IL20RB: variants seen among roughly 807,000 people sequenced by gnomAD.
The protein encoded by IL20RB is interleukin 20 receptor subunit beta.
In IL20RB, 21 loss-of-function variants were observed where a neutral mutation model predicts 33.3. That is an observed-to-expected ratio of 0.63 (90% CI 0.45 to 0.91). IL20RB has a LOEUF of 0.91. Ranked by LOEUF, IL20RB falls within the 40% of genes least tolerant of loss-of-function variation. The pLI is 0.00. For synonymous variants in IL20RB, 147 were observed against 146.8 expected (o/e 1.00, Z -0.01); for missense variants, 345 against 384.8 (o/e 0.90, Z 0.86).
chr3:136,959,064 T>A (rs1459046415), intron 1 of IL20RB: 1 of 151,974 alleles, frequency 6.6e-6, no homozygotes, highest in Non-Finnish European at 1.5e-5. Flanking sequence ...GGCTTAAACA[T>A]CAAATTTATG....
At chr3:137,004,699 A>G (rs966894575) in intron 6 of IL20RB, among the ~76,000 whole-genome samples, 6 of 151,438 alleles carry the variant, frequency 4.0e-5, no homozygotes, top group Non-Finnish European at 7.4e-5. Context: ...AGTTTTGTTG[A>G]TCTTTTCAAA....
Position 136,991,957 on chromosome 3 carries a change from G to A in IL20RB, c.551G>A (p.Arg184Lys). 6.2e-7 allele frequency: 1 copy of A among 1,614,156 alleles called. No homozygotes were observed. Among genetic ancestry groups the A allele is most frequent in the Non-Finnish European group, 8.5e-7 (1 of 1,180,018 alleles). ...PGAEEHVKMV[R>K]SGGIPVHLET... ...TCAAAGGAACATGTCAAAATGGTGA[G>A]GAGTGGGGGTATTCCAGTGCACCTA... Residue 184 changes from arginine to lysine, a missense_variant, in exon 5 of 7, where the codon AGG (arginine) becomes AAG (lysine). Arg to Lys is a conservative substitution (Grantham distance 26). Coordinates refer to ENST00000329582, the MANE Select transcript of IL20RB (RefSeq NM_144717.4).
chr3:136,998,182 A>G (rs1368911657), intron 6 of IL20RB, among the ~76,000 whole-genome samples: 3 of 123,068 alleles, frequency 2.4e-5, no homozygotes, highest in African/African-American at 9.2e-5. Context: ...TTTTGGGTTA[A>G]TTAAAAATTT....
chr3:136,993,483 A>T (rs1942070281), intron 5 of IL20RB, among the ~76,000 whole-genome samples: 1 of 152,124 alleles, frequency 6.6e-6, no homozygotes, highest in Non-Finnish European at 1.5e-5. Context: ...CAGGTTTGTT[A>T]CATATGTATA....
At chr3:136,958,420 T>C (rs905996403) in intron 1 of IL20RB, among the ~76,000 whole-genome samples, 6 of 152,196 alleles carry the variant, frequency 3.9e-5, no homozygotes, top group Non-Finnish European at 5.9e-5. Flanking sequence ...CACACAACAA[T>C]CTAGAAAGAG....
chr3:136,975,209 T>C lies in IL20RB; in HGVS notation c.89-5257T>C, dbSNP rs150488997. ...CATGTTTCTTGTGTTCTTATGTTGA[T>C]ATCTGCACATCTGGTATAACAGTTT... On this transcript the variant is annotated intron_variant, in intron 1 of 6. Transcript: ENST00000329582. Among the ~76,000 whole-genome samples, 295 of 152,318 alleles carry C rather than the reference T, an allele frequency of 1.9e-3. 1 individual carries two copies. Among genetic ancestry groups the C allele is most frequent in the African/African-American group, 6.0e-3 (251 of 41,590 alleles).
intron 1 of IL20RB, among the ~76,000 whole-genome samples, chr3:136,974,121 A>G (rs185197484): frequency 1.3e-5 from 2 of 151,702 alleles, no homozygotes; most frequent in Non-Finnish European, 1.5e-5. Flanking sequence ...TTTGTTTTAC[A>G]TATTATTTAG....
chr3:137,004,128 G>A (rs1054248500), intron 6 of IL20RB, among the ~76,000 whole-genome samples: 4 of 152,186 alleles, frequency 2.6e-5, no homozygotes, highest in African/African-American at 9.7e-5. Flanking sequence ...GATCGTGGTG[G>A]ATAAGCTTTT....
intron 1 of IL20RB, among the ~76,000 whole-genome samples, chr3:136,961,524 T>G (rs1400703026): frequency 6.6e-6 from 1 of 151,618 alleles, no homozygotes; most frequent in Non-Finnish European, 1.5e-5. Context: ...AGTGATTGAT[T>G]CCAGGGCTGG....
chr3:136,978,561 C>T (rs1039658049), intron 1 of IL20RB, among the ~76,000 whole-genome samples: 4 of 152,024 alleles, frequency 2.6e-5, no homozygotes, highest in African/African-American at 4.8e-5. Context: ...TTTAGTTTAT[C>T]GACATGGTAA....
At chr3:137,003,709 C>T (rs1279399134) in intron 6 of IL20RB, among the ~76,000 whole-genome samples, 2 of 152,212 alleles carry the variant, frequency 1.3e-5, no homozygotes, top group Non-Finnish European at 2.9e-5. Flanking sequence ...ATGTCATCTG[C>T]AAACAGGAAC....
At chr3:136,972,973 A>C (rs1484032507) in intron 1 of IL20RB, among the ~76,000 whole-genome samples, 1 of 152,062 alleles carries the variant, frequency 6.6e-6, no homozygotes, top group Non-Finnish European at 1.5e-5. Context: ...TATATCCCAC[A>C]GATTTTGCTA....
At chr3:136,996,818 C>A (rs994708713) in intron 6 of IL20RB, among the ~76,000 whole-genome samples, 7 of 152,180 alleles carry the variant, frequency 4.6e-5, no homozygotes, top group African/African-American at 1.7e-4. Flanking sequence ...GAATGGCTTA[C>A]TGCTATGCAT....
intron 4 of IL20RB, among the ~76,000 whole-genome samples, chr3:136,991,273 G>A (rs1426805870): frequency 3.9e-5 from 6 of 152,274 alleles, no homozygotes; most frequent in East Asian, 1.9e-4. Context: ...GTTTAAGATG[G>A]TGCCTCCTCG....
At chr3:136,962,314 C>T (rs188121988) in intron 1 of IL20RB, among the ~76,000 whole-genome samples, 1 of 152,316 alleles carries the variant, frequency 6.6e-6, no homozygotes, top group Admixed American at 6.5e-5. Context: ...GGGTGGTTAA[C>T]ATCACCAGTA....
At chr3:136,971,642 A>G (rs192913574) in intron 1 of IL20RB, among the ~76,000 whole-genome samples, 1 of 152,188 alleles carries the variant, frequency 6.6e-6, no homozygotes. Flanking sequence ...TTCAATTCAC[A>G]TTGCTGCCAA....
intron 6 of IL20RB, among the ~76,000 whole-genome samples, chr3:136,999,683 C>A (rs1011673165): frequency 1.2e-4 from 18 of 151,146 alleles, no homozygotes; most frequent in African/African-American, 4.1e-4. Flanking sequence ...AACTTCTTTT[C>A]CTCTTCTTTA....
At chr3:136,999,627 G>A (rs1942203068) in intron 6 of IL20RB, among the ~76,000 whole-genome samples, 1 of 149,520 alleles carries the variant, frequency 6.7e-6, no homozygotes, top group Admixed American at 6.7e-5. Flanking sequence ...TAGACCTTCA[G>A]ATATTGTCTC....
chr3:137,003,405 T>C (rs1258651006), intron 6 of IL20RB, among the ~76,000 whole-genome samples: 1 of 152,236 alleles, frequency 6.6e-6, no homozygotes, highest in Non-Finnish European at 1.5e-5. Context: ...TCTATGAGCA[T>C]GGAATATTAT....
Sources: allele counts gnomAD v4.1 joint callset (sites outside exome capture counted in the v4.1 genomes callset), GRCh38; gene constraint gnomAD v4.1.1; transcripts MANE v1.5; gene names NCBI Gene and HGNC (gene_info 2026-07-23, HGNC 2026-07-21).